The following SPOUT1 variants were observed in gnomAD, a reference collection of about 807,000 sequenced individuals.
SPOUT1 encodes 28S rRNA (uridine-N(3))-methyltransferase.
In SPOUT1, 40 loss-of-function variants were observed where a neutral mutation model predicts 54.8. The ratio of observed to expected loss-of-function variants is 0.73; its 90% CI spans 0.57 to 0.95. The LOEUF (loss-of-function observed/expected upper bound fraction) is 0.95. Ranked by LOEUF, SPOUT1 falls within the 40% of genes least tolerant of loss-of-function variation. SPOUT1 has a pLI of 0.00. For missense variants in SPOUT1, 437 were observed against 499.5 expected (o/e 0.87, Z 1.19); for synonymous variants, 193 against 200.3 (o/e 0.96, Z 0.31).
chr9:128,826,624 A>G lies in SPOUT1; in HGVS notation c.374T>C (p.Val125Ala), dbSNP rs755938458. ...FDEEGQDAKT[V>A]EGEFTGVGKK... The stretch of plus-strand genomic sequence containing the variant: ...CCCAACTCCTGTGAATTCCCCCTCC[A>G]CAGTCCTGGAGAGAGAGAGATGGGG... Residue 125 changes from valine to alanine, a missense_variant, in exon 5 of 12, where the codon GTG becomes GCG. Val to Ala is a moderately conservative substitution (Grantham distance 64). Coordinates refer to ENST00000361256, the MANE Select transcript of SPOUT1 (RefSeq NM_016390.4). The surrounding 1 kb of genome is among the most constrained non-coding windows in gnomAD (Gnocchi z 5.5). The G allele has an allele frequency of 6.3e-7, 1 of 1,581,292 alleles. No individual in the cohort carries two copies. The highest frequency in any genetic ancestry group is 1.2e-5 in the South Asian group (1 of 84,354).
At position 128,828,325 on chromosome 9, in the gene SPOUT1, G is replaced by A. The variant is rs139907268; in HGVS notation, c.208+410C>T. Among the ~76,000 whole-genome samples, 49 of 152,136 alleles carry A rather than the reference G, an allele frequency of 3.2e-4. 1 individual carries two copies. In the East Asian group the frequency reaches 8.1e-3, roughly 25 times the overall value. Reference sequence around the variant, plus strand: ...GGCCTCCCCAACATGGTGCAACCACGTCTCTACTAAAAATACGAAAATTAG... The same window carrying A: ...GGCCTCCCCAACATGGTGCAACCACATCTCTACTAAAAATACGAAAATTAG... On this transcript the variant is annotated intron_variant, in intron 3 of 11. Coordinates refer to ENST00000361256, the MANE Select transcript of SPOUT1 (RefSeq NM_016390.4).
intron 9 of SPOUT1, 83 bp from the exon 10 acceptor site, chr9:128,824,257 G>C: frequency 3.0e-6 from 2 of 662,434 alleles, no homozygotes; most frequent in Non-Finnish European, 2.8e-6. Context: ...ACTGAGGCGG[G>C]GGTGGGTGGG....
At chr9:128,829,721 C>A in intron 1 of SPOUT1, 24 bp downstream of exon 1, 1 of 1,571,306 alleles carries the variant, frequency 6.4e-7, no homozygotes, top group Non-Finnish European at 8.7e-7. Context: ...CTGCCCTGCA[C>A]GGGGTCCCGC....
At position 128,820,969 on chromosome 9, in the gene SPOUT1, C is replaced by T; in HGVS notation, c.*1796G>A. On this transcript the variant is annotated 3_prime_UTR_variant, in exon 12 of 12. Coordinates refer to ENST00000361256, the MANE Select transcript of SPOUT1 (RefSeq NM_016390.4). ...TACCAGTTCCCTACTCATCTGGTTT[C>T]TTGGCAAGCCTGTCAGCTTCCCTGC... The T allele has an allele frequency of 2.3e-6, 2 of 858,024 alleles. No individual in the cohort carries two copies. The highest frequency in any genetic ancestry group is 2.4e-5 in the Admixed American group (1 of 42,306). 53.2% of individuals were successfully genotyped at this position (858,024 alleles called of 1,614,324 possible). A position where few individuals can be genotyped will look rare whatever the true frequency, so the allele number is the denominator to read the frequency against.
In SPOUT1 at chr9:128,825,249, A is replaced by G. The variant is rs1589594384; in HGVS notation, c.640-200T>C. ...GCAAAACACAGGTCACTGGCCAAAC[A>G]TGCACCTTTGGGGCGCTCATGGCAC... On this transcript the variant is annotated intron_variant, in intron 7 of 11. Transcript: ENST00000361256. Among the ~76,000 whole-genome samples the G allele has an allele frequency of 2.0e-5, 3 of 152,294 alleles. No homozygotes were observed. The South Asian group carries it at 6.2e-4, about 32-fold the overall frequency.
chr9:128,824,063 G>C lies in SPOUT1; in HGVS notation c.914+9C>G, dbSNP rs749940296. On this transcript the variant is annotated intron_variant, in intron 10 of 11. Coordinates refer to ENST00000361256, the MANE Select transcript of SPOUT1 (RefSeq NM_016390.4). ...TCCTGCCCTGGCCGCAGCCCCAGGA[G>C]GTACACACCTGAAGTTGGGAAGCTG... The C allele has an allele frequency of 2.5e-6, 4 of 1,610,200 alleles. No individual in the cohort carries two copies. Among genetic ancestry groups the C allele is most frequent in the Non-Finnish European group, 3.4e-6 (4 of 1,177,098 alleles).
At position 128,822,511 on chromosome 9, in the gene SPOUT1, G is replaced by C; in HGVS notation, c.*254C>G. 3 of 1,561,048 alleles carry C rather than the reference G, an allele frequency of 1.9e-6. No homozygotes were observed. Among genetic ancestry groups the C allele is most frequent in the Non-Finnish European group, 2.6e-6 (3 of 1,152,220 alleles). ...CCATCCCACTGGAGCGCTTCCTGGT[G>C]CCCATCGAGAGCATTGAGCGGGCTT... On this transcript the variant is annotated 3_prime_UTR_variant, in exon 12 of 12. Coordinates refer to ENST00000361256, the MANE Select transcript of SPOUT1 (RefSeq NM_016390.4).
intron 1 of SPOUT1, 42 bp downstream of exon 1, chr9:128,829,703 C>G (rs1270610125): frequency 2.0e-6 from 3 of 1,489,504 alleles, no homozygotes; most frequent in Non-Finnish European, 2.8e-6. Flanking sequence ...TCTCACGCCT[C>G]CACCATGCTG....
At position 128,828,748 on chromosome 9, in the gene SPOUT1, C is replaced by T; in HGVS notation, c.195G>A (p.Glu65=). 11 of 1,613,924 alleles carry T rather than the reference C, an allele frequency of 6.8e-6. No homozygotes were observed. Among genetic ancestry groups the T allele is most frequent in the Non-Finnish European group, 9.3e-6 (11 of 1,180,038 alleles). The stretch of plus-strand genomic sequence containing the variant: ...ACCCCAGCTCACCGCGGTCCTCCTT[C>T]TCTGCCGCTGCCTCCTCCTCTTCCA... ...KRLEEEEAAA[E]KEDRGRPYTL... The change falls in exon 3 of 12, where the codon GAG becomes GAA. Residue 65 remains glutamate (E), a synonymous_variant. Transcript: ENST00000361256.
At chr9:128,829,078 A>T in intron 2 of SPOUT1, 32 bp downstream of exon 2, 2 of 1,593,400 alleles carry the variant, frequency 1.3e-6, no homozygotes, top group Non-Finnish European at 1.7e-6. Flanking sequence ...GGAGTGGCCT[A>T]TGGGAAGATA....
chr9:128,823,643 G>A (rs1830173145), intron 11 of SPOUT1, 104 bp downstream of exon 11: 1 of 1,057,790 alleles, frequency 9.5e-7, no homozygotes, highest in Non-Finnish European at 1.4e-6. Flanking sequence ...CTCCAGACAA[G>A]GCAGCCACGG....
rs1830243749 is a variant in SPOUT1 at position 128,826,493 on chromosome 9, C to T, written c.458+47G>A. ...GGGAAGCCGCCTCCTACCTGGTCTC[C>T]ACTTTGACACACCCCTCCCTCATGC... is the stretch of plus-strand genomic sequence containing the variant. On this transcript the variant is annotated intron_variant, in intron 5 of 11. Transcript: ENST00000361256. The surrounding 1 kb of genome is among the most constrained non-coding windows in gnomAD (Gnocchi z 5.5). 4.3e-6 allele frequency: 7 copies of T among 1,610,264 alleles called. No individual in the cohort carries two copies. In the East Asian group the frequency reaches 1.1e-4, roughly 26 times the overall value.
intron 10 of SPOUT1, 43 bp from the exon 11 acceptor site, chr9:128,823,937 C>T (rs1488886227): frequency 1.2e-6 from 2 of 1,608,176 alleles, no homozygotes; most frequent in African/African-American, 2.7e-5. Context: ...CCACCGAGGC[C>T]CCACCCAGCA....
chr9:128,825,037 C>T lies in SPOUT1; in HGVS notation c.652G>A (p.Asp218Asn), dbSNP rs1320111832. 1.3e-6 allele frequency: 2 copies of T among 1,571,284 alleles called. No individual in the cohort carries two copies. Among genetic ancestry groups the T allele is most frequent in the East Asian group, 2.3e-5 (1 of 43,092 alleles). The change falls in exon 8 of 12, where the codon GAC (aspartate) becomes AAC (asparagine). Residue 218 changes from aspartate to asparagine, a missense_variant. Coordinates refer to ENST00000361256, the MANE Select transcript of SPOUT1 (RefSeq NM_016390.4). The part of the protein sequence containing the change: ...NCGMKKEVKI[D>N]KNLEPGLRVT... ...CGAAGCCCGGGCTCCAGGTTCTTGTCAATCTTCACCTCCTGGGGAGAAGCC... is the reference window on the plus strand; with the variant it reads ...CGAAGCCCGGGCTCCAGGTTCTTGTTAATCTTCACCTCCTGGGGAGAAGCC...
chr9:128,822,216 T>TG lies in SPOUT1; in HGVS notation c.*548dup. The TG allele has an allele frequency of 7.6e-7, 1 of 1,308,310 alleles. No homozygotes were observed. Among genetic ancestry groups the TG allele is most frequent in the East Asian group, 2.4e-5 (1 of 40,976 alleles). The allele number at this position is 1,308,310 out of a possible 1,614,324, so 81.0% of individuals were successfully genotyped here. A position where few individuals can be genotyped will look rare whatever the true frequency, so the allele number is the denominator to read the frequency against. ...CTACAGAAGTCTCACAGTGAGGGCG[T>TG]GGTCCTGCAGGTTGACAGAAGTTAG... On this transcript the variant is annotated 3_prime_UTR_variant, in exon 12 of 12. Coordinates refer to ENST00000361256, the MANE Select transcript of SPOUT1 (RefSeq NM_016390.4).
chr9:128,829,768 C>A lies in SPOUT1; in HGVS notation c.13G>T (p.Gly5Cys), dbSNP rs1391507578. Residue 5 changes from glycine to cysteine, a missense_variant, in exon 1 of 12, where the codon GGC (glycine) becomes TGC (cysteine). Physicochemically the swap from Gly to Cys is radical, Grantham distance 159 (BLOSUM62 -3). Coordinates refer to ENST00000361256, the MANE Select transcript of SPOUT1 (RefSeq NM_016390.4). MAERGRKRPCGPGEH... is the reference protein window; with the variant it reads MAERCRKRPCGPGEH... ...ACCGGGCCGCACGGCCGCTTCCTGC[C>A]GCGCTCCGCCATGTTCCGCACACAC... is the stretch of plus-strand genomic sequence containing the variant. 3 of 1,602,442 alleles carry A rather than the reference C, an allele frequency of 1.9e-6. No homozygotes were observed. The highest frequency in any genetic ancestry group is 1.3e-5 in the African/African-American group (1 of 74,904).
Position 128,820,431 on chromosome 9 carries a change from C to G in SPOUT1, c.*2334G>C, listed in dbSNP as rs892063031. On this transcript the variant is annotated 3_prime_UTR_variant, in exon 12 of 12. Coordinates refer to ENST00000361256, the MANE Select transcript of SPOUT1 (RefSeq NM_016390.4). ...GAAGGGCTGGTCTTCCCAGGAGACC[C>G]TGGGTGGGGCTGGGGACAGGCCTCA... The G allele has an allele frequency of 1.5e-5, 5 of 328,270 alleles. No individual in the cohort carries two copies. The highest frequency in any genetic ancestry group is 8.7e-5 in the Admixed American group (2 of 22,872). 20.3% of individuals were successfully genotyped at this position (328,270 alleles called of 1,614,324 possible). A position where few individuals can be genotyped will look rare whatever the true frequency, so the allele number is the denominator to read the frequency against.
chr9:128,825,363 GCT>G (rs1281578444), intron 7 of SPOUT1, among the ~76,000 whole-genome samples: 1 of 152,008 alleles, frequency 6.6e-6, no homozygotes, highest in African/African-American at 2.4e-5. Flanking sequence ...ATGGAGTCTG[GCT>G]CTCTCACCCA....
chr9:128,826,577 G>C lies in SPOUT1; in HGVS notation c.421C>G (p.Gln141Glu). 2 of 1,606,188 alleles carry C rather than the reference G, an allele frequency of 1.2e-6. No homozygotes were observed. Among genetic ancestry groups the C allele is most frequent in the South Asian group, 1.1e-5 (1 of 89,714 alleles). ...GVGKKGQACV[Q>E]LARILQYLEC... ...AGGTACTGCAGGATCCGGGCCAGCT[G>C]TACGCACGCCTGCCCCTTCTTCCCA... Residue 141 changes from glutamine to glutamate, a missense_variant, in exon 5 of 12, where the codon CAG becomes GAG. By Grantham distance (29) the Gln-to-Glu change is conservative. Coordinates refer to ENST00000361256, the MANE Select transcript of SPOUT1 (RefSeq NM_016390.4). This position sits in a 1 kb window ranked among gnomAD's most constrained non-coding sequence, Gnocchi z 5.5.
Sources: allele counts gnomAD v4.1 joint callset (sites outside exome capture counted in the v4.1 genomes callset), GRCh38; gene constraint gnomAD v4.1.1; non-coding constraint Gnocchi (gnomAD v3.1); transcripts MANE v1.5; gene names NCBI Gene and HGNC (gene_info 2026-07-23, HGNC 2026-07-21).